The following CSMD1 variants were observed in gnomAD, a reference collection of about 807,000 sequenced individuals.
The protein encoded by CSMD1 is CUB and sushi domain-containing protein 1.
CSMD1 carries 213 observed loss-of-function variants against 417.5 expected under a neutral mutation model. The ratio of observed to expected loss-of-function variants is 0.51; its 90% CI spans 0.46 to 0.57. CSMD1 has a LOEUF of 0.57. Among genes scored for constraint, CSMD1 ranks in the 20% least tolerant of loss-of-function variants. The pLI, the probability that CSMD1 is intolerant of heterozygous loss-of-function variation, is 0.00. For synonymous variants in CSMD1, 2,862 were observed against 1,736.8 expected (o/e 1.65, Z -16.11); for missense variants, 6,923 against 4,529.7 (o/e 1.53, Z -15.17).
intron 2 of CSMD1, among the ~76,000 whole-genome samples, chr8:4,546,006 T>A (rs1017330506): frequency 1.3e-5 from 2 of 152,122 alleles, no homozygotes; most frequent in African/African-American, 2.4e-5. Flanking sequence ...CTGCATTCCA[T>A]CCACAGCTGC....
At chr8:3,304,513 G>GTTGA (rs1403731514) in intron 25 of CSMD1, among the ~76,000 whole-genome samples, 22 of 152,200 alleles carry the variant, frequency 1.4e-4, no homozygotes, top group African/African-American at 3.9e-4. Flanking sequence ...TTGGGATTAA[G>GTTGA]TTGATTGTCA....
In CSMD1 at chr8:3,828,204, T is replaced by A. The variant is rs533292688; in HGVS notation, c.819-74162A>T. ...TTAACCAGTATGCAATCCTTGATAT[T>A]CCTGGCTAGAAAAGACACTCTTATT... On this transcript the variant is annotated intron_variant, in intron 5 of 69. Transcript: ENST00000635120. 5.3e-5 allele frequency among the ~76,000 whole-genome samples: 8 copies of A among 152,280 alleles called. No homozygotes were observed. The East Asian group carries it at 9.7e-4, about 18-fold the overall frequency.
At chr8:4,038,106 T>C (rs1424852808) in intron 3 of CSMD1, among the ~76,000 whole-genome samples, 1 of 152,074 alleles carries the variant, frequency 6.6e-6, no homozygotes, top group Non-Finnish European at 1.5e-5. Context: ...AAAAAATGAT[T>C]AGATCTACCA....
intron 5 of CSMD1, among the ~76,000 whole-genome samples, chr8:3,967,556 C>T (rs972288533): frequency 1.3e-5 from 2 of 152,076 alleles, no homozygotes; most frequent in Admixed American, 6.5e-5. Flanking sequence ...TGAGTGAGTT[C>T]AGCAAATATC....
At chr8:4,595,966 C>G (rs1800253653) in intron 2 of CSMD1, among the ~76,000 whole-genome samples, 1 of 152,034 alleles carries the variant, frequency 6.6e-6, no homozygotes, top group African/African-American at 2.4e-5. Context: ...ACCACTTGTA[C>G]AGCCTCAAAT....
intron 27 of CSMD1, among the ~76,000 whole-genome samples, chr8:3,226,995 C>A (rs1798544562): frequency 2.0e-5 from 3 of 152,096 alleles, no homozygotes; most frequent in Admixed American, 1.3e-4. Context: ...AAGACATCAT[C>A]ACTTTGTGCC....
At chr8:3,793,945 G>C (rs367878836) in intron 5 of CSMD1, among the ~76,000 whole-genome samples, 5 of 152,176 alleles carry the variant, frequency 3.3e-5, no homozygotes, top group South Asian at 2.1e-4. Context: ...CCCAGAGCTG[G>C]GTAAATGCTG....
At chr8:3,510,149 T>C (rs557064670) in intron 10 of CSMD1, among the ~76,000 whole-genome samples, 1 of 149,532 alleles carries the variant, frequency 6.7e-6, no homozygotes, top group East Asian at 1.9e-4. Context: ...CATATCTGTG[T>C]ATATGCTTTT....
At chr8:3,384,870 A>G (rs1810891124) in intron 18 of CSMD1, among the ~76,000 whole-genome samples, 3 of 122,282 alleles carry the variant, frequency 2.5e-5, no homozygotes, top group Admixed American at 1.9e-4. Flanking sequence ...ATGTAAATAT[A>G]TATTATATAT....
intron 12 of CSMD1, among the ~76,000 whole-genome samples, chr8:3,420,098 T>C (rs1181818143): frequency 1.3e-5 from 2 of 152,196 alleles, no homozygotes; most frequent in African/African-American, 4.8e-5. Context: ...TCATCATTGA[T>C]ATTACTTTTA....
chr8:3,636,370 G>T (rs1236756698), intron 7 of CSMD1, among the ~76,000 whole-genome samples: 4 of 152,118 alleles, frequency 2.6e-5, no homozygotes, highest in South Asian at 4.1e-4. Context: ...TAGAGATGAG[G>T]GTTCTCCATG....
intron 7 of CSMD1, among the ~76,000 whole-genome samples, chr8:3,630,665 G>C (rs927933968): frequency 1.3e-5 from 2 of 152,078 alleles, no homozygotes; most frequent in African/African-American, 4.8e-5. Flanking sequence ...CATTGCGTTC[G>C]AGAAAAAATG....
chr8:4,675,007 T>C (rs1327496125), intron 1 of CSMD1, among the ~76,000 whole-genome samples: 1 of 152,162 alleles, frequency 6.6e-6, no homozygotes, highest in Non-Finnish European at 1.5e-5. Context: ...GAAGAGAGCC[T>C]TCCCCAGGGA....
intron 1 of CSMD1, chr8:4,787,414 G>T (rs1797463605): frequency 8.0e-6 from 6 of 750,138 alleles, no homozygotes; most frequent in Non-Finnish European, 1.4e-5. Context: ...TCCTCCTGCA[G>T]TCCAAGGACA....
chr8:3,552,610 G>C (rs149421746), intron 10 of CSMD1, among the ~76,000 whole-genome samples: 9 of 152,246 alleles, frequency 5.9e-5, no homozygotes, highest in African/African-American at 2.2e-4. Context: ...GGAATTAAGA[G>C]GACTCAAGTG....
At chr8:3,304,853 G>C (rs1489611598) in intron 25 of CSMD1, among the ~76,000 whole-genome samples, 1 of 151,826 alleles carries the variant, frequency 6.6e-6, no homozygotes, top group Non-Finnish European at 1.5e-5. Flanking sequence ...AGTAAATTAA[G>C]CCACAAAGGA....
chr8:3,912,022 G>A (rs898254580), intron 5 of CSMD1, among the ~76,000 whole-genome samples: 1 of 152,116 alleles, frequency 6.6e-6, no homozygotes, highest in Non-Finnish European at 1.5e-5. Context: ...TTGTCATATA[G>A]ACACATATGG....
At chr8:3,355,607 G>C (rs1808728073) in intron 21 of CSMD1, among the ~76,000 whole-genome samples, 1 of 152,072 alleles carries the variant, frequency 6.6e-6, no homozygotes, top group South Asian at 2.1e-4. Context: ...TGCACGATGT[G>C]GGGCTACAGC....
intron 1 of CSMD1, among the ~76,000 whole-genome samples, chr8:4,842,833 G>C (rs1471238151): frequency 6.6e-6 from 1 of 152,196 alleles, no homozygotes; most frequent in Non-Finnish European, 1.5e-5. Context: ...TCTCAAAGTA[G>C]CGTAGCTGTT....
Sources: allele counts gnomAD v4.1 joint callset (sites outside exome capture counted in the v4.1 genomes callset), GRCh38; gene constraint gnomAD v4.1.1; transcripts MANE v1.5; gene names NCBI Gene and HGNC (gene_info 2026-07-23, HGNC 2026-07-21).